The following CORIN variants were observed in gnomAD, a reference collection of about 807,000 sequenced individuals.
CORIN encodes the protein atrial natriuretic peptide-converting enzyme.
A neutral mutation model predicts 125.3 loss-of-function variants in CORIN; 117 were observed. The observed-to-expected ratio is 0.93, with a 90% CI of 0.80 to 1.09. The LOEUF is 1.09. Ranked by LOEUF, CORIN falls within the 50% of genes least tolerant of loss-of-function variation. CORIN has a pLI of 0.00. For missense variants in CORIN, 1,253 were observed against 1,306.7 expected (o/e 0.96, Z 0.63); for synonymous variants, 450 against 466.4 (o/e 0.96, Z 0.45).
intron 8 of CORIN, among the ~76,000 whole-genome samples, chr4:47,678,593 A>G (rs1415747296): frequency 6.6e-6 from 1 of 152,240 alleles, no homozygotes; most frequent in South Asian, 2.1e-4. Flanking sequence ...AAGAACTTGC[A>G]TAGTAACTAA....
chr4:47,608,573 CTTCT>C (rs2109521596), intron 19 of CORIN, among the ~76,000 whole-genome samples: 1 of 152,306 alleles, frequency 6.6e-6, no homozygotes, highest in Non-Finnish European at 1.5e-5. Context: ...ACACCTTATT[CTTCT>C]TTGTCCTCAC....
Position 47,776,694 on chromosome 4 carries a change from A to C in CORIN, c.409+10031T>G, listed in dbSNP as rs184321101. On this transcript the variant is annotated intron_variant, in intron 3 of 21. Coordinates refer to ENST00000273857, the MANE Select transcript of CORIN (RefSeq NM_006587.4). ...GGCCATTCCAATGAGAAAATTACAAAATTTTATATCTCCCACTTCCTGAGG... is the reference window on the plus strand; with the variant it reads ...GGCCATTCCAATGAGAAAATTACAACATTTTATATCTCCCACTTCCTGAGG... Among the ~76,000 whole-genome samples the C allele has an allele frequency of 1.9e-4, 29 of 152,264 alleles. 1 individual carries two copies. The highest frequency in any genetic ancestry group is 1.8e-3 in the Admixed American group (28 of 15,298).
intron 4 of CORIN, among the ~76,000 whole-genome samples, chr4:47,747,858 A>G (rs1728728681): frequency 6.6e-6 from 1 of 152,170 alleles, no homozygotes; most frequent in Non-Finnish European, 1.5e-5. Context: ...TACTACTAAC[A>G]TTCTGTAAGT....
chr4:47,691,076 C>T (rs899045534), intron 6 of CORIN, among the ~76,000 whole-genome samples: 8 of 152,316 alleles, frequency 5.3e-5, no homozygotes, highest in South Asian at 2.1e-4. Flanking sequence ...AACAGTAACA[C>T]GTTGTTGACA....
At position 47,717,940 on chromosome 4, in the gene CORIN, C is replaced by T. The variant is rs547322745; in HGVS notation, c.800-24857G>A. Among the ~76,000 whole-genome samples the T allele has an allele frequency of 7.2e-5, 11 of 152,114 alleles. No individual in the cohort carries two copies. In the South Asian group the frequency reaches 1.0e-3, roughly 14 times the overall value. ...CACACACAACCCCATATCACACCACCGAAGTGATAAACTGGCAACGAGAGG... is the reference window on the plus strand; with the variant it reads ...CACACACAACCCCATATCACACCACTGAAGTGATAAACTGGCAACGAGAGG... On this transcript the variant is annotated intron_variant, in intron 5 of 21. Transcript: ENST00000273857.
At chr4:47,751,384 A>C (rs115377290) in intron 4 of CORIN, among the ~76,000 whole-genome samples, 1 of 152,206 alleles carries the variant, frequency 6.6e-6, no homozygotes, top group Non-Finnish European at 1.5e-5. Flanking sequence ...CAGTCAACTT[A>C]GACATTCATA....
intron 3 of CORIN, among the ~76,000 whole-genome samples, chr4:47,785,077 T>A (rs981745629): frequency 5.9e-5 from 9 of 152,210 alleles, no homozygotes; most frequent in Admixed American, 5.9e-4. Context: ...TATCCCTTTG[T>A]GGGTTTTCAT....
chr4:47,833,304 T>C (rs549363172), intron 1 of CORIN, among the ~76,000 whole-genome samples: 22 of 152,272 alleles, frequency 1.4e-4, no homozygotes, highest in Admixed American at 2.6e-4. Flanking sequence ...GGAGGAAAGA[T>C]ATGTCTTCAA....
chr4:47,764,341 C>T (rs945210698), intron 3 of CORIN, among the ~76,000 whole-genome samples: 1 of 152,186 alleles, frequency 6.6e-6, no homozygotes, highest in Non-Finnish European at 1.5e-5. Context: ...TGGGCGCCAC[C>T]ATATCCATGG....
At position 47,641,970 on chromosome 4, in the gene CORIN, A is replaced by G; in HGVS notation, c.2148T>C (p.Asp716=). The part of the protein sequence containing the change: ...RAATEHHVCA[D]GWQEILSQLA... ...GCTGACTCAATATCTCCTGCCAGCC[A>G]TCTGCACACACATGGTGTTCTGTGG... Residue 716 remains aspartate (D), a synonymous_variant, in exon 16 of 22, where the codon GAT becomes GAC. Transcript: ENST00000273857. 1.2e-6 allele frequency: 2 copies of G among 1,613,682 alleles called. No homozygotes were observed. Among genetic ancestry groups the G allele is most frequent in the African/African-American group, 1.3e-5 (1 of 75,034 alleles).
chr4:47,673,010 G>A (rs937095003), intron 10 of CORIN, among the ~76,000 whole-genome samples: 3 of 151,952 alleles, frequency 2.0e-5, no homozygotes, highest in South Asian at 2.1e-4. Context: ...ATGCAAGGCC[G>A]AAGACTTTCA....
intron 6 of CORIN, among the ~76,000 whole-genome samples, chr4:47,690,852 A>G (rs1019600340): frequency 1.3e-5 from 2 of 152,230 alleles, no homozygotes; most frequent in Admixed American, 1.3e-4. Context: ...ACAAGCATTC[A>G]ACCTTAAAGC....
At position 47,654,502 on chromosome 4, in the gene CORIN, A is replaced by G. The variant is rs553392640; in HGVS notation, c.1736-842T>C. On this transcript the variant is annotated intron_variant, in intron 12 of 21. Transcript: ENST00000273857. ...CAGCAAGAGCTGCATAGCACAGAGA[A>G]TCTGTGCACTTGTGGAGTGATTGTG... 2.0e-5 allele frequency among the ~76,000 whole-genome samples: 3 copies of G among 152,300 alleles called. No homozygotes were observed. The South Asian group carries it at 6.2e-4, about 32-fold the overall frequency.
At chr4:47,826,113 G>A (rs1056794976) in intron 1 of CORIN, among the ~76,000 whole-genome samples, 10 of 152,214 alleles carry the variant, frequency 6.6e-5, no homozygotes, top group South Asian at 2.1e-4. Context: ...CATCAAAGGC[G>A]GCAATTGGGT....
In CORIN at chr4:47,623,590, C is replaced by T. The variant is rs1487101503; in HGVS notation, c.2521G>A (p.Val841Ile). Residue 841 changes from valine to isoleucine, a missense_variant, in exon 19 of 22, where the codon GTT becomes ATT. Transcript: ENST00000273857. ...VLIAKKWVLT[V>I]AHCFEGRENA... The stretch of plus-strand genomic sequence containing the variant: ...GCTTACCCCTCGAAGCAGTGGGCAA[C>T]TGTCAGAACCCACTTCTTGGCAATG... The T allele has an allele frequency of 2.5e-6, 4 of 1,614,026 alleles. No homozygotes were observed. In the African/African-American group the frequency reaches 5.3e-5, roughly 22 times the overall value.
At chr4:47,681,783 C>T (rs1725292224) in intron 7 of CORIN, 1 of 152,120 alleles carries the variant, frequency 6.6e-6, no homozygotes, top group Admixed American at 6.5e-5. Context: ...CCAGCAATCC[C>T]ACTACTGGGC....
At chr4:47,713,947 G>A (rs1331922643) in intron 5 of CORIN, among the ~76,000 whole-genome samples, 1 of 151,918 alleles carries the variant, frequency 6.6e-6, no homozygotes, top group Non-Finnish European at 1.5e-5. Context: ...AGCAATCTCT[G>A]GAGAAGTGAG....
intron 5 of CORIN, among the ~76,000 whole-genome samples, chr4:47,694,531 A>G (rs1049035810): frequency 6.6e-6 from 1 of 151,996 alleles, no homozygotes; most frequent in African/African-American, 2.4e-5. Context: ...CACTGCCACC[A>G]TTCCCTGCAG....
chr4:47,600,429 A>C, intron 20 of CORIN, 82 bp from the exon 21 acceptor site: 2 of 834,534 alleles, frequency 2.4e-6, no homozygotes, highest in South Asian at 2.9e-5. Context: ...CAAATATGAA[A>C]TGCAAATATA....
Sources: allele counts gnomAD v4.1 joint callset (sites outside exome capture counted in the v4.1 genomes callset), GRCh38; gene constraint gnomAD v4.1.1; transcripts MANE v1.5; gene names NCBI Gene and HGNC (gene_info 2026-07-23, HGNC 2026-07-21).